Variants in FAM13B observed in about 807,000 individuals in gnomAD.
FAM13B encodes the protein protein FAM13B.
Under a neutral mutation model 117.3 loss-of-function variants are expected in FAM13B, and 60 were observed. The ratio of observed to expected loss-of-function variants is 0.51; its 90% confidence interval spans 0.42 to 0.63. FAM13B has a LOEUF of 0.63. Ranked by LOEUF, FAM13B falls within the 30% of genes least tolerant of loss-of-function variation. FAM13B has a pLI of 0.00. For missense variants in FAM13B, 972 were observed against 1,091.9 expected, an observed-to-expected ratio of 0.89 and a Z score of 1.55; for synonymous variants, 332 against 356.1, an observed-to-expected ratio of 0.93 and a Z score of 0.76.
chr5:137,998,925 C>T (rs1780495707), intron 7 of FAM13B, among the ~76,000 whole-genome samples: 1 of 152,186 alleles, frequency 6.6e-6, no homozygotes. Context: ...GATGGTGCTG[C>T]CTGTTATCAC....
chr5:137,971,983 C>G lies in FAM13B; in HGVS notation c.1180-9514G>C, dbSNP rs1194732846. 9.5e-4 allele frequency among the ~76,000 whole-genome samples: 142 copies of G among 149,778 alleles called. 1 individual carries two copies. The highest frequency in any genetic ancestry group is 3.4e-3 in the African/African-American group (139 of 41,204). On this transcript the variant is annotated intron_variant, in intron 10 of 23. Transcript: ENST00000689681. ...TGGCAATAATCAATAGCTTACCAACCAAAAAGAGTCCAGGACCAGATGGAT... is the reference window on the plus strand; with the variant it reads ...TGGCAATAATCAATAGCTTACCAACGAAAAAGAGTCCAGGACCAGATGGAT...
chr5:138,001,436 C>G (rs1259768417), intron 7 of FAM13B, among the ~76,000 whole-genome samples: 1 of 152,142 alleles, frequency 6.6e-6, no homozygotes. Flanking sequence ...TCTTCTGTCT[C>G]AGAACACTGA....
At chr5:137,974,331 T>C (rs987889534) in intron 10 of FAM13B, among the ~76,000 whole-genome samples, 8 of 151,082 alleles carry the variant, frequency 5.3e-5, no homozygotes, top group Non-Finnish European at 1.0e-4. Context: ...AAATTGGAAA[T>C]CATCATTCTC....
chr5:137,973,781 A>C (rs1773048612), intron 10 of FAM13B, among the ~76,000 whole-genome samples: 1 of 133,234 alleles, frequency 7.5e-6, no homozygotes, highest in African/African-American at 2.8e-5. Flanking sequence ...AACCCCATCA[A>C]AAAGTGGGCA....
chr5:137,954,493 T>C (rs1275505195), intron 14 of FAM13B, 117 bp from the exon 15 acceptor site: 4 of 632,614 alleles, frequency 6.3e-6, no homozygotes, highest in East Asian at 2.8e-5. Flanking sequence ...GGTTCATATA[T>C]ACATACACAC....
At chr5:137,985,126 A>T in intron 10 of FAM13B, 131 bp downstream of exon 10, 1 of 922,752 alleles carries the variant, frequency 1.1e-6, no homozygotes, top group Non-Finnish European at 1.6e-6. Flanking sequence ...GAAACAATGT[A>T]TATTCTTGGG....
At chr5:137,988,759 A>T (rs1777873199) in intron 7 of FAM13B, among the ~76,000 whole-genome samples, 1 of 152,198 alleles carries the variant, frequency 6.6e-6, no homozygotes, top group South Asian at 2.1e-4. Context: ...ACTGCCTTCT[A>T]CAACAAAAAA....
At chr5:138,023,270 C>T (rs767618877) in intron 1 of FAM13B, among the ~76,000 whole-genome samples, 6 of 152,168 alleles carry the variant, frequency 3.9e-5, no homozygotes, top group Admixed American at 2.6e-4. Context: ...ACCTTTCTGA[C>T]GACAAGTTTC....
intron 7 of FAM13B, among the ~76,000 whole-genome samples, chr5:137,998,999 T>A (rs2150742357): frequency 6.6e-6 from 1 of 152,138 alleles, no homozygotes; most frequent in Non-Finnish European, 1.5e-5. Flanking sequence ...CTTGCCAAGG[T>A]CCCCAAGGTC....
intron 7 of FAM13B, among the ~76,000 whole-genome samples, chr5:137,990,165 G>T (rs1365754879): frequency 1.3e-5 from 2 of 152,132 alleles, no homozygotes; most frequent in Non-Finnish European, 2.9e-5. Context: ...ATCTTTATGT[G>T]GTGCGATCTG....
intron 18 of FAM13B, among the ~76,000 whole-genome samples, chr5:137,947,831 C>A (rs1213346389): frequency 1.3e-5 from 2 of 152,066 alleles, no homozygotes; most frequent in Non-Finnish European, 2.9e-5. Flanking sequence ...GTGATCCACC[C>A]ACCTCGGCCT....
intron 19 of FAM13B, 107 bp downstream of exon 19, chr5:137,946,121 T>C: frequency 1.6e-6 from 2 of 1,232,342 alleles, no homozygotes; most frequent in Non-Finnish European, 2.3e-6. Context: ...CCCCCAATTG[T>C]AGGAAATAAT....
chr5:137,987,609 C>A lies in FAM13B; in HGVS notation c.898G>T (p.Glu300Ter). 1 of 1,609,634 alleles carries A rather than the reference C, an allele frequency of 6.2e-7. No individual in the cohort carries two copies. Among genetic ancestry groups the A allele is most frequent in the South Asian group, 1.1e-5 (1 of 89,986 alleles). ...SILPASTDILERTIRAAVEQH... is the reference protein window; with the variant it reads ...SILPASTDIL ...TCCACAGCTGCTCTAATTGTTCTTT[C>A]TAAAATACTACAAAACAACACGTTT... Residue 300 changes from glutamate (E) to a stop codon, truncating the protein, a stop_gained, in exon 9 of 24, where the codon GAA becomes TAA. Transcript: ENST00000689681. LOFTEE classifies it high-confidence loss of function.
At chr5:137,942,140 G>T in intron 22 of FAM13B, 95 bp from the exon 23 acceptor site, 1 of 959,412 alleles carries the variant, frequency 1.0e-6, no homozygotes, top group East Asian at 2.6e-5. Context: ...AAGTGGCTGG[G>T]GAACTGTTAG....
At position 138,019,162 on chromosome 5, in the gene FAM13B, CA is replaced by C. The variant is rs57706343; in HGVS notation, c.-35-17del. ...GCTGTCTTTTCTGCCAAATGAAAGA[CA>C]AAAAAAAAAGACTATAATGATTAAC... On this transcript the variant is annotated splice_polypyrimidine_tract_variant and intron_variant, in intron 2 of 23. Coordinates refer to ENST00000689681, the MANE Select transcript of FAM13B (RefSeq NM_001385994.1). The C allele has an allele frequency of 0.79, 1,180,469 of 1,502,150 alleles. 458,640 individuals are homozygous for C. Among genetic ancestry groups the C allele is most frequent in the East Asian group, 0.96 (40,724 of 42,342 alleles). 93.1% of individuals were successfully genotyped at this position (1,502,150 alleles called of 1,614,324 possible). A position where few individuals can be genotyped will look rare whatever the true frequency, so the allele number is the denominator to read the frequency against.
In FAM13B at chr5:137,994,933, G is replaced by C. The variant is rs1472336422; in HGVS notation, c.849-6618C>G. 3.9e-5 allele frequency among the ~76,000 whole-genome samples: 6 copies of C among 152,248 alleles called. No individual in the cohort carries two copies. In the East Asian group the frequency reaches 1.2e-3, roughly 29 times the overall value. On this transcript the variant is annotated intron_variant, in intron 7 of 23. Coordinates refer to ENST00000689681, the MANE Select transcript of FAM13B (RefSeq NM_001385994.1). ...CTACTATTATTTTAATTTCCCAATT[G>C]TAAATATTTAATGCTACAAACGATA...
rs2150966040 is a variant in FAM13B at position 138,018,512 on chromosome 5, C to T, written c.160G>A (p.Gly54Ser). 3 of 1,613,794 alleles carry T rather than the reference C, an allele frequency of 1.9e-6. No homozygotes were observed. Among genetic ancestry groups the T allele is most frequent in the Middle Eastern group, 1.7e-4 (1 of 6,060 alleles). Residue 54 changes from glycine (G) to serine (S), a missense_variant and splice_region_variant, in exon 4 of 24, where the codon GGT becomes AGT. Physicochemically the swap from Gly to Ser is moderately conservative, Grantham distance 56. Transcript: ENST00000689681. ...HVVDYIEEHG[G>S]LEQQGLFQVN... ...TGAAAAAGTCCTTGTTGCTCCAGAC[C>T]TCCTACGTTAGTTCAAGGCAATCAT...
intron 10 of FAM13B, among the ~76,000 whole-genome samples, chr5:137,968,980 T>C (rs1228070745): frequency 6.6e-6 from 1 of 152,208 alleles, no homozygotes; most frequent in Non-Finnish European, 1.5e-5. Context: ...GTCTCGCTGA[T>C]TGCTACCACA....
intron 1 of FAM13B, among the ~76,000 whole-genome samples, 177 bp from the exon 2 acceptor site, chr5:138,021,374 T>C (rs1786665242): frequency 6.6e-6 from 1 of 152,232 alleles, no homozygotes. Context: ...CAGATGATGA[T>C]GGAAAATTGG....
Sources: gnomAD v4.1 joint callset for allele counts (sites outside exome capture counted in the v4.1 genomes callset) on GRCh38, gnomAD v4.1.1 for gene constraint, MANE v1.5 for transcripts, NCBI Gene and HGNC (gene_info 2026-07-23, HGNC 2026-07-21) for gene names.